KNL1: variants seen among roughly 807,000 people sequenced by gnomAD.
KNL1 encodes the protein kinetochore scaffold 1, also known as outer kinetochore KNL1 complex subunit KNL1.
In KNL1, 66 loss-of-function variants were observed where a neutral mutation model predicts 201.3. The observed-to-expected ratio is 0.33, with a 90% CI of 0.27 to 0.40. KNL1 has a LOEUF of 0.40. Ranked by LOEUF, KNL1 falls within the 10% of genes least tolerant of loss-of-function variation. KNL1 has a pLI of 1.00. For synonymous variants in KNL1, 895 were observed against 899.2 expected, an observed-to-expected ratio of 1.00 and a Z score of 0.08; for missense variants, 2,815 against 2,690.5, an observed-to-expected ratio of 1.05 and a Z score of -1.02.
At chr15:40,626,857 G>C (rs1309756481) in intron 10 of KNL1, among the ~76,000 whole-genome samples, 8 of 151,700 alleles carry the variant, frequency 5.3e-5, no homozygotes, top group African/African-American at 1.7e-4. Context: ...TGGGATTACA[G>C]GCATAAGCCA....
In KNL1 at chr15:40,663,530, A is replaced by G. The variant is rs560617405; in HGVS notation, c.*1342A>G. 1 of 189,972 alleles carries G rather than the reference A, an allele frequency of 5.3e-6. No homozygotes were observed. The highest frequency in any genetic ancestry group is 1.1e-5 in the Non-Finnish European group (1 of 90,372). 11.8% of individuals were successfully genotyped at this position (189,972 alleles called of 1,614,324 possible). On this transcript the variant is annotated 3_prime_UTR_variant, in exon 26 of 26. Transcript: ENST00000399668. The stretch of plus-strand genomic sequence containing the variant: ...TGTCTAGGCAGTTCCCAATTTTCTG[A>G]AGAATGTTTTACAGCAAAATTTTCT...
At position 40,620,750 on chromosome 15, in the gene KNL1, C is replaced by T. The variant is rs1378074006; in HGVS notation, c.486C>T (p.Thr162=). 3 of 1,612,340 alleles carry T rather than the reference C, an allele frequency of 1.9e-6. No individual in the cohort carries two copies. The highest frequency in any genetic ancestry group is 1.7e-6 in the Non-Finnish European group (2 of 1,179,148). The change falls in exon 10 of 26, where the codon ACC becomes ACT. Residue 162 remains threonine (T), a synonymous_variant. Coordinates refer to ENST00000399668, the MANE Select transcript of KNL1 (RefSeq NM_144508.5). Reference sequence around the variant, plus strand: ...CATCAAGTCACACTGTAATGATTACCAAAGGCCTTTTAGATAATCCCATAA... The same window carrying T: ...CATCAAGTCACACTGTAATGATTACTAAAGGCCTTTTAGATAATCCCATAA... ...DLTSSHTVMI[T]KGLLDNPISE... is the part of the protein sequence containing the mutation.
chr15:40,620,882 C>T lies in KNL1; in HGVS notation c.618C>T (p.Asn206=), dbSNP rs1367667888. Residue 206 remains asparagine (N), a synonymous_variant, in exon 10 of 26, where the codon AAC becomes AAT. Coordinates refer to ENST00000399668, the MANE Select transcript of KNL1 (RefSeq NM_144508.5). ...AAGTAAATTTTTCCGTGGATCAAAA[C>T]ACTTCTTCAGAAAATAAAATAGATT... is the stretch of plus-strand genomic sequence containing the variant. The part of the protein sequence containing the change: ...KKEVNFSVDQ[N]TSSENKIDFN... 1.3e-6 allele frequency: 2 copies of T among 1,598,168 alleles called. No homozygotes were observed. Among genetic ancestry groups the T allele is most frequent in the African/African-American group, 1.4e-5 (1 of 73,710 alleles).
At chr15:40,659,099 G>A (rs1001286217) in intron 24 of KNL1, among the ~76,000 whole-genome samples, 1 of 151,840 alleles carries the variant, frequency 6.6e-6, no homozygotes, top group Non-Finnish European at 1.5e-5. Flanking sequence ...CCACATTGGC[G>A]AAACCCTGTC....
intron 13 of KNL1, among the ~76,000 whole-genome samples, chr15:40,636,057 C>T (rs1010356903): frequency 1.3e-5 from 2 of 152,140 alleles, no homozygotes; most frequent in East Asian, 1.9e-4. Context: ...AGGCTGGTCT[C>T]GAACTCCTGA....
intron 14 of KNL1, among the ~76,000 whole-genome samples, chr15:40,643,739 G>A (rs1308496263): frequency 1.3e-5 from 2 of 152,212 alleles, no homozygotes; most frequent in Admixed American, 6.5e-5. Context: ...GTTTCACATT[G>A]GAACAAGTTG....
rs757868685 is a variant in KNL1, at chr15:40,621,031, A to G, written c.767A>G (p.Gln256Arg). 38 of 1,607,542 alleles carry G rather than the reference A, an allele frequency of 2.4e-5. No homozygotes were observed. The highest frequency in any genetic ancestry group is 5.1e-5 in the Admixed American group (3 of 58,270). Reference protein sequence around the residue: ...KEPNSASSTHQMHVSLKEDEN... With the variant: ...KEPNSASSTHRMHVSLKEDEN... ...CCGAACAGTGCCTCTTCTACACATC[A>G]AATGCATGTATCTCTTAAGGAAGAT... The change falls in exon 10 of 26, where the codon CAA (glutamine) becomes CGA (arginine). Residue 256 changes from glutamine (Q) to arginine (R), a missense_variant. Gln to Arg is a conservative substitution (Grantham distance 43). Around this residue, in one of 3 missense-constraint regions of KNL1, gnomAD observed 2,464 missense variants for 2,291.7 expected, o/e 1.08. Transcript: ENST00000399668.
intron 24 of KNL1, 65 bp from the exon 25 acceptor site, chr15:40,659,274 A>C: frequency 6.6e-7 from 1 of 1,506,808 alleles, no homozygotes; most frequent in Non-Finnish European, 9.0e-7. Context: ...AAAAAAAAAA[A>C]AAAAGAAATT....
In KNL1 at chr15:40,625,058, T is replaced by C. The variant is rs1361157974; in HGVS notation, c.4794T>C (p.His1598=). Residue 1598 remains histidine, a synonymous_variant, in exon 10 of 26, where the codon CAT becomes CAC. Coordinates refer to ENST00000399668, the MANE Select transcript of KNL1 (RefSeq NM_144508.5). ...ELGNKAHNDM[H]IVQATEIHNI... The stretch of plus-strand genomic sequence containing the variant: ...GAAATAAGGCACACAATGATATGCA[T>C]ATAGTGCAAGCTACAGAAATACATA... The C allele has an allele frequency of 2.5e-6, 4 of 1,613,842 alleles. No individual in the cohort carries two copies. Among genetic ancestry groups the C allele is most frequent in the Non-Finnish European group, 3.4e-6 (4 of 1,179,846 alleles).
rs1271874786 is a variant in KNL1 at position 40,623,372 on chromosome 15, G to A, written c.3108G>A (p.Leu1036=). Residue 1036 remains leucine (L), a synonymous_variant, in exon 10 of 26, where the codon TTG becomes TTA. Transcript: ENST00000399668. ...GPVEVADNME[L]SKSATCKNIK... ...TAGAGGTAGCTGATAACATGGAATT[G>A]TCTAAATCAGCCACTTGCAAAAACA... 1 of 1,613,834 alleles carries A rather than the reference G, an allele frequency of 6.2e-7. No individual in the cohort carries two copies. The highest frequency in any genetic ancestry group is 8.5e-7 in the Non-Finnish European group (1 of 1,179,900).
In KNL1 at chr15:40,605,115, A is replaced by T; in HGVS notation, c.41A>T (p.Asn14Ile). The stretch of plus-strand genomic sequence containing the variant: ...ATTTTGTTTTCCTTTTTCAGTGACA[A>T]TATAGAGAGACCTGTTAGAAGACGG... ...VSSEANEEND[N>I]IERPVRRRHS... The change falls in exon 3 of 26, where the codon AAT (asparagine) becomes ATT (isoleucine). Residue 14 changes from asparagine (N) to isoleucine (I), a missense_variant. Physicochemically the swap from Asn to Ile is moderately radical, Grantham distance 149. Around this residue, in one of 3 missense-constraint regions of KNL1, gnomAD observed 2,464 missense variants for 2,291.7 expected, o/e 1.08. Coordinates refer to ENST00000399668, the MANE Select transcript of KNL1 (RefSeq NM_144508.5). The T allele has an allele frequency of 2.0e-6, 3 of 1,471,516 alleles. No individual in the cohort carries two copies. The highest frequency in any genetic ancestry group is 2.9e-6 in the Non-Finnish European group (3 of 1,052,106). The allele number at this position is 1,471,516 out of a possible 1,614,324, so 91.2% of individuals were successfully genotyped here. A position where few individuals can be genotyped will look rare whatever the true frequency, so the allele number is the denominator to read the frequency against.
At chr15:40,652,240 CT>C in intron 21 of KNL1, 135 bp downstream of exon 21, 1 of 443,532 alleles carries the variant, frequency 2.3e-6, no homozygotes, top group Non-Finnish European at 4.0e-6. Flanking sequence ...AGAACAGTCA[CT>C]TTATTGATAG....
At chr15:40,637,270 G>T (rs981650218) in intron 13 of KNL1, among the ~76,000 whole-genome samples, 1 of 141,206 alleles carries the variant, frequency 7.1e-6, no homozygotes, top group East Asian at 2.1e-4. Flanking sequence ...TTTCTGTAGA[G>T]TTTACCACAG....
chr15:40,602,927 CAAA>C lies in KNL1; in HGVS notation c.-2_1del, dbSNP rs587780292. On this transcript the variant is annotated 5_prime_UTR_variant, in exon 2 of 26. Transcript: ENST00000399668. ...ATATTTGTTACAGAAAAGTTTTCTT[CAAA>C]AATGGATGGGGTGTCTTCAGAGGCT... 129 of 1,584,958 alleles carry C rather than the reference CAAA, an allele frequency of 8.1e-5. 1 individual carries two copies. In the South Asian group the frequency reaches 1.4e-3, roughly 17 times the overall value.
At chr15:40,659,494 G>A (rs1287421234) in intron 25 of KNL1, 33 bp downstream of exon 25, 2 of 1,586,340 alleles carry the variant, frequency 1.3e-6, no homozygotes, top group South Asian at 2.3e-5. Context: ...AAGACTCTGG[G>A]CTACTTCTTT....
At position 40,604,116 on chromosome 15, in the gene KNL1, T is replaced by TAATC. The variant is rs1555418613; in HGVS notation, c.36-993_36-992insATCA. Among the ~76,000 whole-genome samples, 3 of 149,544 alleles carry TAATC rather than the reference T, an allele frequency of 2.0e-5. No homozygotes were observed. In the South Asian group the frequency reaches 6.4e-4, roughly 32 times the overall value. On this transcript the variant is annotated intron_variant, in intron 2 of 25. Transcript: ENST00000399668. ...TCCTACCTCAAGACCCTGTCTCACA[T>TAATC]ATCATCATCATCATCATCATCATCA...
rs1165121184 is a variant in KNL1, at chr15:40,662,418, T to G, written c.*230T>G. ...ACTTACTCATCTTTGTACCAAAGGTTTAAGTAATAGGACACTTAGGAAAAA... is the reference window on the plus strand; with the variant it reads ...ACTTACTCATCTTTGTACCAAAGGTGTAAGTAATAGGACACTTAGGAAAAA... On this transcript the variant is annotated 3_prime_UTR_variant, in exon 26 of 26. Coordinates refer to ENST00000399668, the MANE Select transcript of KNL1 (RefSeq NM_144508.5). 1 of 412,574 alleles carries G rather than the reference T, an allele frequency of 2.4e-6. No homozygotes were observed. The highest frequency in any genetic ancestry group is 3.9e-5 in the East Asian group (1 of 25,660). The allele number at this position is 412,574 out of a possible 1,614,324, so 25.6% of individuals were successfully genotyped here.
At chr15:40,595,831 C>G (rs1470225132) in intron 1 of KNL1, among the ~76,000 whole-genome samples, 1 of 152,062 alleles carries the variant, frequency 6.6e-6, no homozygotes, top group Non-Finnish European at 1.5e-5. Context: ...CAGCACAGGT[C>G]TAGAGTCTCT....
At chr15:40,628,786 G>A (rs1230493957) in intron 12 of KNL1, 108 bp downstream of exon 12, 17 of 603,528 alleles carry the variant, frequency 2.8e-5, no homozygotes, top group Admixed American at 6.3e-5. Context: ...TTTTAATTAC[G>A]AAATATTTCA....
Sources: allele counts gnomAD v4.1 joint callset (sites outside exome capture counted in the v4.1 genomes callset), GRCh38; gene constraint gnomAD v4.1.1; regional missense constraint gnomAD v4.1.1; transcripts MANE v1.5; gene names NCBI Gene and HGNC (gene_info 2026-07-23, HGNC 2026-07-21).